The following PLSCR1 variants were observed in gnomAD, a reference collection of about 807,000 sequenced individuals.
The protein encoded by PLSCR1 is PL scramblase 1.
In PLSCR1, 17 loss-of-function variants were observed where a neutral mutation model predicts 37.8. The observed-to-expected ratio is 0.45, with a 90% CI of 0.31 to 0.68. The LOEUF (loss-of-function observed/expected upper bound fraction) is 0.68, where lower values mean the gene tolerates loss of function less well. Among genes scored for constraint, PLSCR1 ranks in the 30% least tolerant of loss-of-function variants. The pLI, the probability that PLSCR1 is intolerant of heterozygous loss-of-function variation, is 0.06. For synonymous variants in PLSCR1, 116 were observed against 125.9 expected (o/e 0.92, Z 0.53); for missense variants, 347 against 380.9 (o/e 0.91, Z 0.74).
In PLSCR1 at chr3:146,521,711, A is replaced by C; in HGVS notation, c.577-6T>G. 6.2e-7 allele frequency: 1 copy of C among 1,608,838 alleles called. No homozygotes were observed. On this transcript the variant is annotated splice_region_variant and splice_polypyrimidine_tract_variant and intron_variant, in intron 6 of 8. Transcript: ENST00000342435. ...GGAGGAGCTTGGATTTCTATCTACA[A>C]AGGCAAAATAATATATGTAAATGTA...
chr3:146,533,740 C>T (rs2044230471), intron 2 of PLSCR1, among the ~76,000 whole-genome samples, 190 bp from the exon 3 acceptor site: 1 of 152,164 alleles, frequency 6.6e-6, no homozygotes, highest in African/African-American at 2.4e-5. Flanking sequence ...AAATTTGTTT[C>T]AAACAAATTC....
intron 5 of PLSCR1, among the ~76,000 whole-genome samples, chr3:146,524,619 C>T (rs2044081026): frequency 6.6e-6 from 1 of 151,686 alleles, no homozygotes; most frequent in Admixed American, 6.6e-5. Flanking sequence ...GATTTTATAG[C>T]CTTACTAATA....
Position 146,530,576 on chromosome 3 carries a change from T to C in PLSCR1, c.95-1745A>G, listed in dbSNP as rs139190672. Reference sequence around the variant, plus strand: ...AGTTACTTTGGGTAAATATAATTTATATCAAGGTCTAAAAGATGAGAAGAG... The same window carrying C: ...AGTTACTTTGGGTAAATATAATTTACATCAAGGTCTAAAAGATGAGAAGAG... On this transcript the variant is annotated intron_variant, in intron 3 of 8. Coordinates refer to ENST00000342435, the MANE Select transcript of PLSCR1 (RefSeq NM_021105.3). 4.1e-3 allele frequency among the ~76,000 whole-genome samples: 619 copies of C among 152,286 alleles called. 3 individuals carry two copies. Among genetic ancestry groups the C allele is most frequent in the African/African-American group, 0.014 (595 of 41,556 alleles).
intron 8 of PLSCR1, 135 bp downstream of exon 8, chr3:146,516,871 C>T: frequency 1.6e-6 from 1 of 626,076 alleles, no homozygotes; most frequent in South Asian, 2.3e-5. Flanking sequence ...AATTTCAGAG[C>T]TAGGATTAAA....
intron 5 of PLSCR1, among the ~76,000 whole-genome samples, chr3:146,523,812 A>G (rs1304294901): frequency 6.6e-6 from 1 of 152,146 alleles, no homozygotes; most frequent in East Asian, 1.9e-4. Flanking sequence ...CTAACCATAC[A>G]TTGGAAACCT....
intron 7 of PLSCR1, chr3:146,520,055 T>C (rs1048435799): frequency 8.5e-5 from 13 of 152,228 alleles, no homozygotes; most frequent in Admixed American, 5.9e-4. Flanking sequence ...TTCATGTTCC[T>C]TAGTGGTCCC....
intron 1 of PLSCR1, among the ~76,000 whole-genome samples, chr3:146,542,034 T>C (rs1256887849): frequency 6.6e-6 from 1 of 152,198 alleles, no homozygotes; most frequent in Non-Finnish European, 1.5e-5. Context: ...CCCATAAGAT[T>C]ATTTTTACTG....
chr3:146,518,753 T>G lies in PLSCR1; in HGVS notation c.739-1586A>C, dbSNP rs990076634. On this transcript the variant is annotated intron_variant, in intron 7 of 8. Transcript: ENST00000342435. ...TGGCAAGGATAAGAAATGCAAATAA[T>G]GATCTTCAACCAATAAATTAGCAGG... is the stretch of plus-strand genomic sequence containing the variant. 6.6e-5 allele frequency among the ~76,000 whole-genome samples: 10 copies of G among 152,164 alleles called. 1 individual carries two copies. The highest frequency in any genetic ancestry group is 2.4e-4 in the African/African-American group (10 of 41,450).
intron 3 of PLSCR1, among the ~76,000 whole-genome samples, chr3:146,529,765 A>G (rs1162402483): frequency 6.6e-6 from 1 of 151,986 alleles, no homozygotes; most frequent in African/African-American, 2.4e-5. Context: ...TGCCCACCTC[A>G]GCTTCCCAAA....
chr3:146,538,712 T>C (rs1460416577), intron 1 of PLSCR1, among the ~76,000 whole-genome samples: 4 of 152,160 alleles, frequency 2.6e-5, no homozygotes, highest in Non-Finnish European at 5.9e-5. Flanking sequence ...AGTTTTTATT[T>C]TTTATTTTTT....
intron 1 of PLSCR1, among the ~76,000 whole-genome samples, chr3:146,544,002 T>C (rs986025945): frequency 1.6e-4 from 24 of 152,166 alleles, no homozygotes; most frequent in African/African-American, 5.8e-4. Context: ...GAATACTTAC[T>C]GATAAATGAC....
intron 5 of PLSCR1, among the ~76,000 whole-genome samples, chr3:146,523,501 A>G (rs900693404): frequency 1.3e-5 from 2 of 152,144 alleles, no homozygotes; most frequent in Non-Finnish European, 1.5e-5. Flanking sequence ...TTTTTTTGCA[A>G]TGCTTTTGAA....
At chr3:146,534,685 G>C (rs1456943258) in intron 2 of PLSCR1, among the ~76,000 whole-genome samples, 6 of 151,980 alleles carry the variant, frequency 3.9e-5, no homozygotes, top group Non-Finnish European at 8.8e-5. Flanking sequence ...AGACTAGCCT[G>C]GCCAACAAAA....
chr3:146,519,744 A>G (rs747331616), intron 7 of PLSCR1, among the ~76,000 whole-genome samples: 1 of 152,058 alleles, frequency 6.6e-6, no homozygotes, highest in African/African-American at 2.4e-5. Context: ...TTAGTATTTG[A>G]TACCTTACTT....
intron 7 of PLSCR1, among the ~76,000 whole-genome samples, chr3:146,517,863 C>T (rs1480060970): frequency 6.6e-6 from 1 of 152,116 alleles, no homozygotes; most frequent in Non-Finnish European, 1.5e-5. Context: ...ATGGACTTTG[C>T]TCAGACTAAG....
intron 6 of PLSCR1, 30 bp from the exon 7 acceptor site, chr3:146,521,735 T>A (rs1358897112): frequency 6.3e-7 from 1 of 1,587,710 alleles, no homozygotes; most frequent in Non-Finnish European, 8.6e-7. Flanking sequence ...TATGTAAATG[T>A]AATAATCATA....
chr3:146,541,586 G>A (rs995794534), intron 1 of PLSCR1, among the ~76,000 whole-genome samples: 1 of 152,160 alleles, frequency 6.6e-6, no homozygotes, highest in East Asian at 1.9e-4. Flanking sequence ...AAAAAAGGAA[G>A]ACTGACATCC....
chr3:146,528,943 A>G, intron 3 of PLSCR1, 112 bp from the exon 4 acceptor site: 3 of 707,040 alleles, frequency 4.2e-6, no homozygotes, highest in Non-Finnish European at 7.0e-6. Flanking sequence ...AGACATCTGT[A>G]TCTGTGATGT....
At chr3:146,543,203 T>TAA (rs2044359710) in intron 1 of PLSCR1, among the ~76,000 whole-genome samples, 1 of 152,126 alleles carries the variant, frequency 6.6e-6, no homozygotes, top group South Asian at 2.1e-4. Context: ...GAGACATTCT[T>TAA]AGAGATGAAG....
Sources: allele counts gnomAD v4.1 joint callset (sites outside exome capture counted in the v4.1 genomes callset), GRCh38; gene constraint gnomAD v4.1.1; transcripts MANE v1.5; gene names NCBI Gene and HGNC (gene_info 2026-07-23, HGNC 2026-07-21).